The following MCUB variants were observed in gnomAD, a reference collection of about 807,000 sequenced individuals.
MCUB encodes calcium uniporter regulatory subunit MCUb, mitochondrial.
In MCUB, 46 loss-of-function variants were observed where a neutral mutation model predicts 41.4. The ratio of observed to expected loss-of-function variants is 1.11; its 90% CI spans 0.88 to 1.42. The LOEUF (loss-of-function observed/expected upper bound fraction) is 1.42, where lower values mean the gene tolerates loss of function less well. MCUB is among the 40% of genes most tolerant of loss of function. MCUB has a pLI of 0.00. For synonymous variants in MCUB, 148 were observed against 148.2 expected (o/e 1.00, Z 0.01); for missense variants, 403 against 404.9 (o/e 1.00, Z 0.04).
intron 4 of MCUB, among the ~76,000 whole-genome samples, chr4:109,668,815 T>C (rs774108132): frequency 1.3e-5 from 2 of 152,160 alleles, no homozygotes; most frequent in Non-Finnish European, 2.9e-5. Context: ...TACTTCTTTT[T>C]TTAGCGGTTG....
intron 1 of MCUB, among the ~76,000 whole-genome samples, chr4:109,593,828 A>AT (rs1235199116): frequency 1.3e-5 from 2 of 152,136 alleles, no homozygotes; most frequent in Non-Finnish European, 2.9e-5. Context: ...AATATAATAC[A>AT]TTTTTTCCAG....
At chr4:109,593,599 GT>G (rs1394756558) in intron 1 of MCUB, among the ~76,000 whole-genome samples, 1 of 152,160 alleles carries the variant, frequency 6.6e-6, no homozygotes, top group East Asian at 1.9e-4. Flanking sequence ...AGTGAAATTT[GT>G]TTAGAACACC....
At chr4:109,561,369 T>G (rs1331405896) in intron 1 of MCUB, among the ~76,000 whole-genome samples, 1 of 152,196 alleles carries the variant, frequency 6.6e-6, no homozygotes. Context: ...ATTTTGTTCT[T>G]TTTTTTCCTT....
intron 1 of MCUB, among the ~76,000 whole-genome samples, chr4:109,574,074 G>A (rs1726975582): frequency 6.6e-6 from 1 of 151,774 alleles, no homozygotes; most frequent in Non-Finnish European, 1.5e-5. Flanking sequence ...GAGTTTTACC[G>A]TGTTGGCCAG....
At chr4:109,569,360 T>G (rs891628588) in intron 1 of MCUB, among the ~76,000 whole-genome samples, 1 of 152,132 alleles carries the variant, frequency 6.6e-6, no homozygotes, top group Non-Finnish European at 1.5e-5. Flanking sequence ...ATAGTAGTCT[T>G]AAATCATATT....
intron 1 of MCUB, among the ~76,000 whole-genome samples, chr4:109,637,561 T>C (rs1157230152): frequency 6.6e-6 from 1 of 152,196 alleles, no homozygotes; most frequent in Non-Finnish European, 1.5e-5. Flanking sequence ...CAATGGAATA[T>C]TACTCAGCCA....
At chr4:109,640,940 T>G (rs1317087993) in intron 1 of MCUB, among the ~76,000 whole-genome samples, 1 of 152,220 alleles carries the variant, frequency 6.6e-6, no homozygotes, top group Non-Finnish European at 1.5e-5. Flanking sequence ...TATTTCTAGA[T>G]TTTGATTTAA....
intron 1 of MCUB, among the ~76,000 whole-genome samples, chr4:109,612,361 G>C (rs1349208307): frequency 6.8e-6 from 1 of 147,530 alleles, no homozygotes; most frequent in Non-Finnish European, 1.5e-5. Context: ...CCACCTCCCA[G>C]GTTCAAGCAA....
intron 4 of MCUB, among the ~76,000 whole-genome samples, chr4:109,670,259 C>G (rs1211456114): frequency 1.3e-5 from 2 of 151,948 alleles, no homozygotes; most frequent in Admixed American, 1.3e-4. Flanking sequence ...TTCACAAGTG[C>G]TTCTCAGCCC....
chr4:109,641,271 T>A (rs1728709289), intron 1 of MCUB, among the ~76,000 whole-genome samples: 1 of 150,206 alleles, frequency 6.7e-6, no homozygotes, highest in Non-Finnish European at 1.5e-5. Context: ...TTTTGTATTT[T>A]TTTTTTTTTT....
At chr4:109,563,306 T>G (rs1035616479) in intron 1 of MCUB, among the ~76,000 whole-genome samples, 1 of 152,248 alleles carries the variant, frequency 6.6e-6, no homozygotes, top group African/African-American at 2.4e-5. Context: ...GCAGAGCAGC[T>G]TAAGTATCGA....
intron 1 of MCUB, among the ~76,000 whole-genome samples, chr4:109,639,843 C>T (rs1728675316): frequency 6.6e-6 from 1 of 152,148 alleles, no homozygotes; most frequent in Non-Finnish European, 1.5e-5. Flanking sequence ...TTGGCTTCAC[C>T]TTAAAGTCAC....
chr4:109,679,570 C>T (rs971886879), intron 4 of MCUB, among the ~76,000 whole-genome samples: 13 of 152,136 alleles, frequency 8.5e-5, no homozygotes, highest in Non-Finnish European at 1.3e-4. Context: ...TGCAGCGAGC[C>T]GAGATCATGG....
At chr4:109,658,379 A>C (rs2158204) in intron 1 of MCUB, among the ~76,000 whole-genome samples, 113,664 of 151,818 alleles carry the variant, frequency 0.75, 43,375 homozygotes, top group African/African-American at 0.91. Flanking sequence ...CTCACGGCAA[A>C]CTCCACCTCC....
chr4:109,581,773 A>G (rs197237), intron 1 of MCUB, among the ~76,000 whole-genome samples: 53,907 of 151,986 alleles, frequency 0.35, 11,418 homozygotes, highest in South Asian at 0.54. Flanking sequence ...AAAACACATG[A>G]AAAAATGCTT....
At chr4:109,678,268 C>T (rs1183103279) in intron 4 of MCUB, among the ~76,000 whole-genome samples, 1 of 152,030 alleles carries the variant, frequency 6.6e-6, no homozygotes, top group Non-Finnish European at 1.5e-5. Flanking sequence ...CCCCACATTT[C>T]CCCCTTTTCT....
intron 3 of MCUB, among the ~76,000 whole-genome samples, chr4:109,661,658 G>A (rs1306782316): frequency 2.0e-5 from 3 of 152,182 alleles, no homozygotes; most frequent in African/African-American, 4.8e-5. Flanking sequence ...TGTGGAAGAT[G>A]TGTGTGGGCA....
chr4:109,679,787 TTTGTTGTTG>T (rs377253519), intron 4 of MCUB, among the ~76,000 whole-genome samples: 6 of 151,672 alleles, frequency 4.0e-5, no homozygotes, highest in East Asian at 3.9e-4. Context: ...GAGGTATAAT[TTTGTTGTTG>T]TTGTTGTTGT....
intron 1 of MCUB, among the ~76,000 whole-genome samples, chr4:109,596,376 TTCTC>T (rs2126129609): frequency 7.3e-6 from 1 of 136,144 alleles, no homozygotes; most frequent in South Asian, 2.7e-4. Context: ...CTGAAATTCT[TTCTC>T]AGGGAGAAGA....
Sources: allele counts gnomAD v4.1 joint callset (sites outside exome capture counted in the v4.1 genomes callset), GRCh38; gene constraint gnomAD v4.1.1; transcripts MANE v1.5; gene names NCBI Gene and HGNC (gene_info 2026-07-23, HGNC 2026-07-21).